ZNRD2: variants seen among roughly 807,000 people sequenced by gnomAD.
ZNRD2 encodes the protein protein ZNRD2.
Under a neutral mutation model 22.0 loss-of-function variants are expected in ZNRD2, and 16 were observed. The ratio of observed to expected loss-of-function variants is 0.73; its 90% CI spans 0.49 to 1.11. The LOEUF is 1.11. Ranked by LOEUF, ZNRD2 falls within the 50% of genes least tolerant of loss-of-function variation. The probability of loss-of-function intolerance (pLI) is 0.00; values close to 1 mark genes in which losing one functional copy is unlikely to be tolerated. For synonymous variants in ZNRD2, 105 were observed against 109.8 expected (o/e 0.96, Z 0.27); for missense variants, 269 against 258.9 (o/e 1.04, Z -0.27).
In ZNRD2 at chr11:65,570,526, G is replaced by A; in HGVS notation, c.19+16G>A. The A allele has an allele frequency of 6.2e-7, 1 of 1,613,932 alleles. No homozygotes were observed. On this transcript the variant is annotated intron_variant, in intron 1 of 3. Transcript: ENST00000309328. Reference sequence around the variant, plus strand: ...AACGGAGCTGGTGAGGACCTGGGCGGCAGGGGTTTGTGGCTGTGAGGTACG... The same window carrying A: ...AACGGAGCTGGTGAGGACCTGGGCGACAGGGGTTTGTGGCTGTGAGGTACG...
chr11:65,570,480 G>A lies in ZNRD2; in HGVS notation c.-12G>A, dbSNP rs1267505732. 1.2e-6 allele frequency: 2 copies of A among 1,613,468 alleles called. No individual in the cohort carries two copies. The highest frequency in any genetic ancestry group is 1.3e-5 in the African/African-American group (1 of 75,048). On this transcript the variant is annotated 5_prime_UTR_variant, in exon 1 of 4. Transcript: ENST00000309328. Reference sequence around the variant, plus strand: ...CGTCACTTCCTGTGAGCCCGGCGGTGACAACGGCAACATGGCCCTGAACGG... The same window carrying A: ...CGTCACTTCCTGTGAGCCCGGCGGTAACAACGGCAACATGGCCCTGAACGG...
At position 65,570,660 on chromosome 11, in the gene ZNRD2, G is replaced by GC. The variant is rs1565110487; in HGVS notation, c.77dup (p.Arg27AlafsTer56). On this transcript the variant is annotated frameshift_variant, in exon 2 of 4. Transcript: ENST00000309328. LOFTEE classifies it high-confidence loss of function. Reference sequence around the variant, plus strand: ...TGAGGCGGAGACGAAGGTGCTGCAGGCGCGACGGGAGCGGCAAGATCGCAT... The same window carrying GC: ...TGAGGCGGAGACGAAGGTGCTGCAGGCCGCGACGGGAGCGGCAAGATCGCAT... 1 of 1,613,880 alleles carries GC rather than the reference G, an allele frequency of 6.2e-7. No individual in the cohort carries two copies. Among genetic ancestry groups the GC allele is most frequent in the Admixed American group, 1.7e-5 (1 of 60,032 alleles).
rs367851900 is a variant in ZNRD2, at chr11:65,571,832, C to A, written c.*98C>A. 5 of 1,444,410 alleles carry A rather than the reference C, an allele frequency of 3.5e-6. No homozygotes were observed. Among genetic ancestry groups the A allele is most frequent in the Admixed American group, 5.5e-5 (2 of 36,106 alleles). 89.5% of individuals were successfully genotyped at this position (1,444,410 alleles called of 1,614,324 possible). A position where few individuals can be genotyped will look rare whatever the true frequency, so the allele number is the denominator to read the frequency against. ...AGTGTGCATGCCAGCCCCAGCTCCA[C>A]TCACCTTTTTCCAGCTTTTGGCCTC... On this transcript the variant is annotated 3_prime_UTR_variant, in exon 4 of 4. Transcript: ENST00000309328.
In ZNRD2 at chr11:65,571,733, AAG is replaced by A. The variant is rs1590801396; in HGVS notation, c.*3_*4del. The A allele has an allele frequency of 6.3e-7, 1 of 1,592,044 alleles. No individual in the cohort carries two copies. Among genetic ancestry groups the A allele is most frequent in the Non-Finnish European group, 8.6e-7 (1 of 1,168,812 alleles). On this transcript the variant is annotated stop_retained_variant and 3_prime_UTR_variant, in exon 4 of 4. Coordinates refer to ENST00000309328, the MANE Select transcript of ZNRD2 (RefSeq NM_006396.3). Reference sequence around the variant, plus strand: ...CGCAGCCTGCAGCAGCTACAGCACTAAGAGAAGCCCCTGAGAAAAACCCTCTA... The same window carrying A: ...CGCAGCCTGCAGCAGCTACAGCACTAAGAAGCCCCTGAGAAAAACCCTCTA...
Position 65,570,496 on chromosome 11 carries a change from C to T in ZNRD2, c.5C>T (p.Ala2Val). The T allele has an allele frequency of 1.2e-6, 2 of 1,613,728 alleles. No homozygotes were observed. The highest frequency in any genetic ancestry group is 1.7e-6 in the Non-Finnish European group (2 of 1,179,944). The change falls in exon 1 of 4, where the codon GCC becomes GTC. Residue 2 changes from alanine to valine, a missense_variant. Coordinates refer to ENST00000309328, the MANE Select transcript of ZNRD2 (RefSeq NM_006396.3). M[A>V]LNGAEVDDFS... is the part of the protein sequence containing the mutation. Reference sequence around the variant, plus strand: ...CCCGGCGGTGACAACGGCAACATGGCCCTGAACGGAGCTGGTGAGGACCTG... The same window carrying T: ...CCCGGCGGTGACAACGGCAACATGGTCCTGAACGGAGCTGGTGAGGACCTG...
chr11:65,571,770 C>T lies in ZNRD2; in HGVS notation c.*36C>T, dbSNP rs1390630422. On this transcript the variant is annotated 3_prime_UTR_variant, in exon 4 of 4. Coordinates refer to ENST00000309328, the MANE Select transcript of ZNRD2 (RefSeq NM_006396.3). ...TGAGAAAAACCCTCTAGAAAAACAG[C>T]TGTTCCTCTGTGTGGTTTGTTTTTT... is the stretch of plus-strand genomic sequence containing the variant. 1 of 1,522,658 alleles carries T rather than the reference C, an allele frequency of 6.6e-7. No homozygotes were observed. The highest frequency in any genetic ancestry group is 1.4e-5 in the African/African-American group (1 of 71,894). The allele number at this position is 1,522,658 out of a possible 1,614,324, so 94.3% of individuals were successfully genotyped here.
rs757659041 is a variant in ZNRD2, at chr11:65,570,598, C to A, written c.20-6C>A. The A allele has an allele frequency of 1.9e-6, 3 of 1,613,944 alleles. No homozygotes were observed. Among genetic ancestry groups the A allele is most frequent in the South Asian group, 2.2e-5 (2 of 91,084 alleles). ...GACCCCCAGTCCCTATGCCTCTCTT[C>A]CCCAGAAGTCGACGACTTCTCCTGG... On this transcript the variant is annotated splice_polypyrimidine_tract_variant and splice_region_variant and intron_variant, in intron 1 of 3. Coordinates refer to ENST00000309328, the MANE Select transcript of ZNRD2 (RefSeq NM_006396.3).
Position 65,571,580 on chromosome 11 carries a change from T to C in ZNRD2, c.446T>C (p.Val149Ala), listed in dbSNP as rs753491230. Residue 149 changes from valine to alanine, a missense_variant, in exon 4 of 4, where the codon GTC becomes GCC. Val to Ala is a moderately conservative substitution (Grantham distance 64). Coordinates refer to ENST00000309328, the MANE Select transcript of ZNRD2 (RefSeq NM_006396.3). ...CCTGCTGTGCCTCCAAATACAGATG[T>C]CATGGCCTGCACACAGACAGCCCTC... ...PAPAVPPNTDVMACTQTALLQ... is the reference protein window; with the variant it reads ...PAPAVPPNTDAMACTQTALLQ... 26 of 1,613,978 alleles carry C rather than the reference T, an allele frequency of 1.6e-5. No individual in the cohort carries two copies. Among genetic ancestry groups the C allele is most frequent in the Non-Finnish European group, 2.2e-5 (26 of 1,180,036 alleles).
intron 3 of ZNRD2, 112 bp from the exon 4 acceptor site, chr11:65,571,279 G>T: frequency 7.4e-7 from 1 of 1,359,886 alleles, no homozygotes; most frequent in East Asian, 2.4e-5. Context: ...GCCTTATAGA[G>T]GGACAGGGAA....
At position 65,571,713 on chromosome 11, in the gene ZNRD2, C is replaced by A; in HGVS notation, c.579C>A (p.Ser193Arg). The A allele has an allele frequency of 1.3e-5, 21 of 1,610,610 alleles. No homozygotes were observed. Among genetic ancestry groups the A allele is most frequent in the Non-Finnish European group, 1.8e-5 (21 of 1,178,042 alleles). Residue 193 changes from serine to arginine, a missense_variant, in exon 4 of 4, where the codon AGC becomes AGA. By Grantham distance (110) the Ser-to-Arg change is moderately radical. Transcript: ENST00000309328. ...LIRACAEALR[S>R]LQQLQH ...GCGCATGTGCGGAGGCCCTGCGCAG[C>A]CTGCAGCAGCTACAGCACTAAGAGA...
At position 65,571,305 on chromosome 11, in the gene ZNRD2, G is replaced by C. The variant is rs550078580; in HGVS notation, c.257-86G>C. ...GGACAGGGAAAACACCTCAAGCACA[G>C]AAAGAGCAGAGCAGAAAAGGAGATG... On this transcript the variant is annotated intron_variant, in intron 3 of 3. Transcript: ENST00000309328. 17 of 1,483,470 alleles carry C rather than the reference G, an allele frequency of 1.1e-5. No individual in the cohort carries two copies. The African/African-American group carries it at 2.0e-4, about 17-fold the overall frequency. The allele number at this position is 1,483,470 out of a possible 1,614,324, so 91.9% of individuals were successfully genotyped here. A position where few individuals can be genotyped will look rare whatever the true frequency, so the allele number is the denominator to read the frequency against.
At position 65,571,542 on chromosome 11, in the gene ZNRD2, G is replaced by C. The variant is rs775872516; in HGVS notation, c.408G>C (p.Gln136His). 3.4e-5 allele frequency: 55 copies of C among 1,613,962 alleles called. No individual in the cohort carries two copies. In the South Asian group the frequency reaches 5.6e-4, roughly 16 times the overall value. The change falls in exon 4 of 4, where the codon CAG becomes CAC. Residue 136 changes from glutamine to histidine, a missense_variant. Transcript: ENST00000309328. The stretch of plus-strand genomic sequence containing the variant: ...CTGCAGCAGGACTCAAGGCAGCCCA[G>C]GGGCCACCTGCTCCTGCTGTGCCTC... ...EGAAAGLKAA[Q>H]GPPAPAVPPN...
chr11:65,571,645 A>T lies in ZNRD2; in HGVS notation c.511A>T (p.Ser171Cys), dbSNP rs1250308510. Reference protein sequence around the residue: ...LTWASAELGSSTSLETSIQLC... With the variant: ...LTWASAELGSCTSLETSIQLC... The stretch of plus-strand genomic sequence containing the variant: ...CTGGGCCTCTGCTGAACTGGGCTCT[A>T]GCACCTCCCTGGAGACTAGCATCCA... Residue 171 changes from serine (S) to cysteine (C), a missense_variant, in exon 4 of 4, where the codon AGC becomes TGC. Ser to Cys is a moderately radical substitution (Grantham distance 112, BLOSUM62 -1). Transcript: ENST00000309328. The T allele has an allele frequency of 1.2e-6, 2 of 1,614,104 alleles. No homozygotes were observed. Among genetic ancestry groups the T allele is most frequent in the African/African-American group, 1.3e-5 (1 of 75,070 alleles).
At position 65,571,761 on chromosome 11, in the gene ZNRD2, G is replaced by C; in HGVS notation, c.*27G>C. On this transcript the variant is annotated 3_prime_UTR_variant, in exon 4 of 4. Transcript: ENST00000309328. ...AGAAGCCCCTGAGAAAAACCCTCTA[G>C]AAAAACAGCTGTTCCTCTGTGTGGT... is the stretch of plus-strand genomic sequence containing the variant. 6.5e-7 allele frequency: 1 copy of C among 1,546,674 alleles called. No individual in the cohort carries two copies. The highest frequency in any genetic ancestry group is 8.7e-7 in the Non-Finnish European group (1 of 1,146,036).
At position 65,570,590 on chromosome 11, in the gene ZNRD2, C is replaced by T; in HGVS notation, c.20-14C>T. On this transcript the variant is annotated splice_polypyrimidine_tract_variant and intron_variant, in intron 1 of 3. Coordinates refer to ENST00000309328, the MANE Select transcript of ZNRD2 (RefSeq NM_006396.3). ...TCCGGCAAGACCCCCAGTCCCTATG[C>T]CTCTCTTCCCCAGAAGTCGACGACT... The T allele has an allele frequency of 6.2e-7, 1 of 1,613,938 alleles. No homozygotes were observed. Among genetic ancestry groups the T allele is most frequent in the Non-Finnish European group, 8.5e-7 (1 of 1,179,974 alleles).
Position 65,570,516 on chromosome 11 carries a change from G to A in ZNRD2, c.19+6G>A, listed in dbSNP as rs1482192867. The stretch of plus-strand genomic sequence containing the variant: ...CATGGCCCTGAACGGAGCTGGTGAG[G>A]ACCTGGGCGGCAGGGGTTTGTGGCT... On this transcript the variant is annotated splice_donor_region_variant and intron_variant, in intron 1 of 3. Coordinates refer to ENST00000309328, the MANE Select transcript of ZNRD2 (RefSeq NM_006396.3). 2 of 1,613,952 alleles carry A rather than the reference G, an allele frequency of 1.2e-6. No homozygotes were observed. The highest frequency in any genetic ancestry group is 1.3e-5 in the African/African-American group (1 of 75,066).
chr11:65,571,783 T>C lies in ZNRD2; in HGVS notation c.*49T>C, dbSNP rs1228694987. 6.7e-7 allele frequency: 1 copy of C among 1,494,234 alleles called. No individual in the cohort carries two copies. The highest frequency in any genetic ancestry group is 2.4e-5 in the East Asian group (1 of 41,088). 92.6% of individuals were successfully genotyped at this position (1,494,234 alleles called of 1,614,324 possible). On this transcript the variant is annotated 3_prime_UTR_variant, in exon 4 of 4. Coordinates refer to ENST00000309328, the MANE Select transcript of ZNRD2 (RefSeq NM_006396.3). The stretch of plus-strand genomic sequence containing the variant: ...CTAGAAAAACAGCTGTTCCTCTGTG[T>C]GGTTTGTTTTTTTCCTGGTTCCAAG...
At position 65,570,598 on chromosome 11, in the gene ZNRD2, C is replaced by T. The variant is rs757659041; in HGVS notation, c.20-6C>T. The T allele has an allele frequency of 7.4e-6, 12 of 1,613,944 alleles. No individual in the cohort carries two copies. In the South Asian group the frequency reaches 1.2e-4, roughly 16 times the overall value. On this transcript the variant is annotated splice_polypyrimidine_tract_variant and splice_region_variant and intron_variant, in intron 1 of 3. Coordinates refer to ENST00000309328, the MANE Select transcript of ZNRD2 (RefSeq NM_006396.3). ...GACCCCCAGTCCCTATGCCTCTCTT[C>T]CCCAGAAGTCGACGACTTCTCCTGG...
intron 3 of ZNRD2, among the ~76,000 whole-genome samples, chr11:65,571,180 C>T (rs1415940482): frequency 6.6e-6 from 1 of 152,106 alleles, no homozygotes; most frequent in African/African-American, 2.4e-5. Context: ...CCAGCCACTG[C>T]GCGAGAGTCT....
Sources: allele counts gnomAD v4.1 joint callset (sites outside exome capture counted in the v4.1 genomes callset), GRCh38; gene constraint gnomAD v4.1.1; transcripts MANE v1.5; gene names NCBI Gene and HGNC (gene_info 2026-07-23, HGNC 2026-07-21).